The following PRR11 variants were observed in gnomAD, a reference collection of about 807,000 sequenced individuals.
PRR11 encodes proline rich 11.
Under a neutral mutation model 45.6 loss-of-function variants are expected in PRR11, and 30 were observed. The ratio of observed to expected loss-of-function variants is 0.66; its 90% CI spans 0.49 to 0.89. PRR11 has a LOEUF of 0.89. Among genes scored for constraint, PRR11 ranks in the 40% least tolerant of loss-of-function variants. PRR11 has a pLI of 0.00. For missense variants in PRR11, 373 were observed against 424.8 expected, an observed-to-expected ratio of 0.88 and a Z score of 1.07; for synonymous variants, 128 against 153.5, an observed-to-expected ratio of 0.83 and a Z score of 1.23.
At chr17:59,165,384 T>A (rs1434042987) in intron 1 of PRR11, among the ~76,000 whole-genome samples, 1 of 152,122 alleles carries the variant, frequency 6.6e-6, no homozygotes, top group Admixed American at 6.6e-5. Context: ...TTGCCCAGGC[T>A]GGAGTGCAGT....
chr17:59,183,236 C>T (rs1238600638), intron 2 of PRR11, among the ~76,000 whole-genome samples: 1 of 152,228 alleles, frequency 6.6e-6, no homozygotes, highest in Non-Finnish European at 1.5e-5. Context: ...CCGCATCCAT[C>T]TGTTCCCTGT....
At chr17:59,161,373 C>T (rs2046651598) in intron 1 of PRR11, among the ~76,000 whole-genome samples, 1 of 149,538 alleles carries the variant, frequency 6.7e-6, no homozygotes, top group Non-Finnish European at 1.5e-5. Flanking sequence ...TGCCACTGCA[C>T]TCCAGCCTGG....
rs534110554 is a variant in PRR11, at chr17:59,205,590, T to C, written c.*3959T>C. 1.3e-5 allele frequency among the ~76,000 whole-genome samples: 2 copies of C among 149,714 alleles called. No homozygotes were observed. The highest frequency in any genetic ancestry group is 4.9e-5 in the African/African-American group (2 of 40,472). On this transcript the variant is annotated 3_prime_UTR_variant, in exon 10 of 10. Transcript: ENST00000262293. ...AGTGGCAGACACCTGTAATCCCAGC[T>C]ACTGGGAAGGCTGAGCCAGAATGGC...
intron 1 of PRR11, among the ~76,000 whole-genome samples, chr17:59,157,043 T>C (rs560756487): frequency 3.9e-5 from 6 of 152,320 alleles, no homozygotes; most frequent in African/African-American, 1.4e-4. Context: ...GGAAAATAGC[T>C]TTAGACCCAT....
intron 1 of PRR11, among the ~76,000 whole-genome samples, chr17:59,168,007 T>C (rs1291084703): frequency 2.0e-5 from 3 of 152,078 alleles, no homozygotes; most frequent in Admixed American, 2.0e-4. Flanking sequence ...CTATTCAAGA[T>C]TGAGTTGCTG....
chr17:59,186,178 A>G (rs1022052961), intron 4 of PRR11, among the ~76,000 whole-genome samples: 2 of 152,010 alleles, frequency 1.3e-5, no homozygotes, highest in Non-Finnish European at 2.9e-5. Flanking sequence ...CCTAGACTCC[A>G]ACTCCTAACT....
At chr17:59,183,520 A>G (rs774182273) in intron 2 of PRR11, among the ~76,000 whole-genome samples, 1 of 152,192 alleles carries the variant, frequency 6.6e-6, no homozygotes, top group Admixed American at 6.5e-5. Flanking sequence ...CCGAGATTCT[A>G]TACTGGGGGT....
At position 59,181,553 on chromosome 17, in the gene PRR11, A is replaced by G. The variant is rs1309297385; in HGVS notation, c.129-3501A>G. ...TCCTCATGGTGCTCAGGGAGCACGA[A>G]TGACACTAGCCGTTGCTTCAGCTTC... On this transcript the variant is annotated intron_variant, in intron 2 of 9. Transcript: ENST00000262293. 3.2e-6 allele frequency: 4 copies of G among 1,237,424 alleles called. No individual in the cohort carries two copies. In the Admixed American group the frequency reaches 5.2e-5, roughly 16 times the overall value. 76.7% of individuals were successfully genotyped at this position (1,237,424 alleles called of 1,614,324 possible). A position where few individuals can be genotyped will look rare whatever the true frequency, so the allele number is the denominator to read the frequency against.
intron 4 of PRR11, among the ~76,000 whole-genome samples, chr17:59,191,245 A>T (rs1376654621): frequency 7.8e-6 from 1 of 127,640 alleles, no homozygotes. Context: ...TTGAGACAGA[A>T]TTTCACTCTG....
At chr17:59,165,652 C>T (rs986736126) in intron 1 of PRR11, among the ~76,000 whole-genome samples, 3 of 151,770 alleles carry the variant, frequency 2.0e-5, no homozygotes, top group South Asian at 2.1e-4. Context: ...ATTAGCCGGG[C>T]GTGGTGGTGC....
chr17:59,194,290 C>CAT (rs1363143166), intron 5 of PRR11, among the ~76,000 whole-genome samples: 2 of 149,598 alleles, frequency 1.3e-5, no homozygotes, highest in Non-Finnish European at 2.9e-5. Flanking sequence ...CACACACACA[C>CAT]ACACACACAC....
chr17:59,178,637 G>A (rs2046762860), intron 2 of PRR11: 2 of 516,124 alleles, frequency 3.9e-6, no homozygotes, highest in Non-Finnish European at 7.7e-6. Context: ...TCTCAGGATT[G>A]CTGCCACAGG....
At chr17:59,186,802 A>C (rs2046816454) in intron 4 of PRR11, among the ~76,000 whole-genome samples, 1 of 152,212 alleles carries the variant, frequency 6.6e-6, no homozygotes, top group African/African-American at 2.4e-5. Flanking sequence ...TTAATTATTG[A>C]ATATATAAAG....
At chr17:59,165,102 G>A (rs2046672974) in intron 1 of PRR11, among the ~76,000 whole-genome samples, 2 of 151,864 alleles carry the variant, frequency 1.3e-5, no homozygotes, top group South Asian at 2.1e-4. Context: ...CTCACTGCAA[G>A]CTCCGCCTCC....
At chr17:59,193,380 A>G (rs1211041179) in intron 4 of PRR11, 112 bp from the exon 5 acceptor site, 1 of 1,289,664 alleles carries the variant, frequency 7.8e-7, no homozygotes, top group East Asian at 2.4e-5. Context: ...CAGGAAGCAC[A>G]TGGTACGCTG....
chr17:59,195,337 C>A lies in PRR11; in HGVS notation c.751C>A (p.Pro251Thr). 6.2e-7 allele frequency: 1 copy of A among 1,610,868 alleles called. No homozygotes were observed. Among genetic ancestry groups the A allele is most frequent in the Non-Finnish European group, 8.5e-7 (1 of 1,177,262 alleles). Residue 251 changes from proline (P) to threonine (T), a missense_variant, in exon 7 of 10, where the codon CCA (proline) becomes ACA (threonine). Transcript: ENST00000262293. Reference protein sequence around the residue: ...QSLDEKRKLIPSPKARNPLVT... With the variant: ...QSLDEKRKLITSPKARNPLVT... ...TCTCATTTTATAATTAAAGCTTATA[C>A]CATCGCCGAAAGCACGGAATCCACT...
At chr17:59,193,050 A>G (rs988155204) in intron 4 of PRR11, among the ~76,000 whole-genome samples, 1 of 152,086 alleles carries the variant, frequency 6.6e-6, no homozygotes, top group African/African-American at 2.4e-5. Context: ...CGTTGCTCTT[A>G]TTGAAGTATT....
intron 1 of PRR11, among the ~76,000 whole-genome samples, chr17:59,165,567 C>T (rs2046675652): frequency 2.0e-5 from 3 of 151,904 alleles, no homozygotes; most frequent in Admixed American, 2.0e-4. Context: ...CCAAGGCAGG[C>T]AGATCACTTG....
At chr17:59,171,128 T>C (rs1323438375) in intron 2 of PRR11, among the ~76,000 whole-genome samples, 1 of 151,970 alleles carries the variant, frequency 6.6e-6, no homozygotes, top group Non-Finnish European at 1.5e-5. Context: ...CCGGGCGCGG[T>C]GGCAGGCGCC....
Sources: gnomAD v4.1 joint callset for allele counts (sites outside exome capture counted in the v4.1 genomes callset) on GRCh38, gnomAD v4.1.1 for gene constraint, MANE v1.5 for transcripts, NCBI Gene and HGNC (gene_info 2026-07-23, HGNC 2026-07-21) for gene names.